Variants in CDH4 observed in about 807,000 individuals in gnomAD.
CDH4 encodes the protein cadherin-4.
Under a neutral mutation model 86.0 loss-of-function variants are expected in CDH4, and 33 were observed. The ratio of observed to expected loss-of-function variants is 0.38; its 90% CI spans 0.29 to 0.51. The LOEUF (loss-of-function observed/expected upper bound fraction) is 0.51, where lower values mean the gene tolerates loss of function less well. CDH4 is among the 20% of genes least tolerant of loss of function. The probability of loss-of-function intolerance (pLI) is 0.86; values close to 1 mark genes in which losing one functional copy is unlikely to be tolerated. For synonymous variants in CDH4, 555 were observed against 549.4 expected, an observed-to-expected ratio of 1.01 and a Z score of -0.14; for missense variants, 1,114 against 1,307.4, an observed-to-expected ratio of 0.85 and a Z score of 2.28.
chr20:61,834,254 G>T (rs1389697083), intron 4 of CDH4, among the ~76,000 whole-genome samples: 1 of 152,210 alleles, frequency 6.6e-6, no homozygotes, highest in Non-Finnish European at 1.5e-5. Context: ...GCCCTCCTTT[G>T]CTGCCCCTTG....
rs1260243773 is a variant in CDH4, at chr20:61,582,882, T to C, written c.170-160681T>C. Among the ~76,000 whole-genome samples the C allele has an allele frequency of 1.3e-5, 2 of 152,182 alleles. No individual in the cohort carries two copies. Among genetic ancestry groups the C allele is most frequent in the South Asian group, 2.1e-4 (1 of 4,830 alleles). ...GCCACCACCCCAGTCCATTTTAGAA[T>C]GTTTTCATCGCCTCACAAAGAAACT... On this transcript the variant is annotated intron_variant, in intron 2 of 15. Transcript: ENST00000614565. The surrounding 1 kb of genome is among the most constrained non-coding windows in gnomAD (Gnocchi z 4.2).
At chr20:61,404,598 T>C (rs1271660861) in intron 2 of CDH4, among the ~76,000 whole-genome samples, 2 of 152,072 alleles carry the variant, frequency 1.3e-5, no homozygotes, top group African/African-American at 4.8e-5. Context: ...GGGCAGGGGA[T>C]TTGGGAGAAA....
At chr20:61,345,263 G>A (rs974897764) in intron 2 of CDH4, among the ~76,000 whole-genome samples, 2 of 152,192 alleles carry the variant, frequency 1.3e-5, no homozygotes, top group East Asian at 1.9e-4. Flanking sequence ...CAGGGAAATC[G>A]AGAGTGACAA....
At chr20:61,752,658 G>A (rs1054002757) in intron 3 of CDH4, among the ~76,000 whole-genome samples, 2 of 152,342 alleles carry the variant, frequency 1.3e-5, no homozygotes, top group East Asian at 3.9e-4. Context: ...ATAAATTGCA[G>A]TGGGCTCCTA....
intron 8 of CDH4, among the ~76,000 whole-genome samples, chr20:61,899,968 T>C (rs1985309240): frequency 6.6e-6 from 1 of 152,188 alleles, no homozygotes; most frequent in Non-Finnish European, 1.5e-5. Context: ...GTGGTCCCCA[T>C]GTTTTTGAGG....
At chr20:61,319,277 T>C (rs959817518) in intron 2 of CDH4, among the ~76,000 whole-genome samples, 5 of 152,088 alleles carry the variant, frequency 3.3e-5, no homozygotes, top group African/African-American at 9.7e-5. Flanking sequence ...CTCAGGAAGG[T>C]GACGTGTGTA....
chr20:61,280,613 G>C (rs538446915), intron 2 of CDH4, among the ~76,000 whole-genome samples: 4 of 152,228 alleles, frequency 2.6e-5, no homozygotes, highest in Non-Finnish European at 5.9e-5. Flanking sequence ...ACAAGGCTGG[G>C]GTAGTGATAT....
At chr20:61,834,288 C>T (rs1421943986) in intron 4 of CDH4, among the ~76,000 whole-genome samples, 6 of 152,388 alleles carry the variant, frequency 3.9e-5, no homozygotes, top group South Asian at 4.1e-4. Flanking sequence ...AGCTGCCTCT[C>T]CTTCTGGGGC....
In CDH4 at chr20:61,565,260, G is replaced by GGGTGA. The variant is rs1312523506; in HGVS notation, c.170-178303_170-178302insGGTGA. Among the ~76,000 whole-genome samples the GGGTGA allele has an allele frequency of 3.4e-4, 35 of 101,722 alleles. 4 individuals carry two copies. Among genetic ancestry groups the GGGTGA allele is most frequent in the Admixed American group, 1.8e-3 (19 of 10,328 alleles). The allele number at this position is 101,722 out of a possible 152,430, so 66.7% of individuals were successfully genotyped here. On this transcript the variant is annotated intron_variant, in intron 2 of 15. Coordinates refer to ENST00000614565, the MANE Select transcript of CDH4 (RefSeq NM_001794.5). Reference sequence around the variant, plus strand: ...GGTGGTGGCGGTGCTCTTGGTGATGGTGGTGGTGGTCCTCTTGGTGATGGG... The same window carrying GGGTGA: ...GGTGGTGGCGGTGCTCTTGGTGATGGGGTGATGGTGGTGGTCCTCTTGGTGATGGG...
At chr20:61,579,127 A>G (rs2086406283) in intron 2 of CDH4, among the ~76,000 whole-genome samples, 1 of 151,996 alleles carries the variant, frequency 6.6e-6, no homozygotes, top group Non-Finnish European at 1.5e-5. Flanking sequence ...GGGCTTCCCA[A>G]AGGAAATCCA....
intron 2 of CDH4, among the ~76,000 whole-genome samples, chr20:61,509,717 A>G (rs529810102): frequency 1.8e-4 from 27 of 152,218 alleles, no homozygotes; most frequent in African/African-American, 6.0e-4. Context: ...GAAGGGGAAC[A>G]ACAGGCTGAA....
chr20:61,373,356 C>T (rs1288330977), intron 2 of CDH4, among the ~76,000 whole-genome samples: 9 of 152,210 alleles, frequency 5.9e-5, no homozygotes, highest in Admixed American at 2.6e-4. Flanking sequence ...GGCTTGCACC[C>T]GTTGAATGAA....
At chr20:61,529,767 G>GT (rs1253109633) in intron 2 of CDH4, among the ~76,000 whole-genome samples, 1 of 152,104 alleles carries the variant, frequency 6.6e-6, no homozygotes, top group Non-Finnish European at 1.5e-5. Context: ...AGAACTTCTC[G>GT]TTCTTGCTCA....
At position 61,661,084 on chromosome 20, in the gene CDH4, C is replaced by CGGGGGGT. The variant is rs1555821282; in HGVS notation, c.170-82473_170-82472insTGGGGGG. Among the ~76,000 whole-genome samples the CGGGGGGT allele has an allele frequency of 5.5e-4, 41 of 74,796 alleles. 5 individuals carry two copies. Among genetic ancestry groups the CGGGGGGT allele is most frequent in the Non-Finnish European group, 1.1e-3 (36 of 31,318 alleles). The allele number at this position is 74,796 out of a possible 152,430, so 49.1% of individuals were successfully genotyped here. On this transcript the variant is annotated intron_variant, in intron 2 of 15. Transcript: ENST00000614565. The stretch of plus-strand genomic sequence containing the variant: ...GAGGCGGCATGGACAGGAGGCATGG[C>CGGGGGGT]GGGGGGGGGGGAGACACAGTGCCAG...
At chr20:61,258,340 A>AAAAAAAAAAAAG (rs1353887398) in intron 2 of CDH4, among the ~76,000 whole-genome samples, 3 of 121,770 alleles carry the variant, frequency 2.5e-5, no homozygotes, top group African/African-American at 9.3e-5. Context: ...AAAAAAAAAA[A>AAAAAAAAAAAAG]AAAAAGAAAA....
At position 61,774,188 on chromosome 20, in the gene CDH4, A is replaced by G. The variant is rs544657691; in HGVS notation, c.576+1006A>G. Among the ~76,000 whole-genome samples, 129 of 152,310 alleles carry G rather than the reference A, an allele frequency of 8.5e-4. 6 individuals carry two copies. The South Asian group carries it at 0.026, about 31-fold the overall frequency. Reference sequence around the variant, plus strand: ...CACCTCAGCACCCAGCCTCTGCTGCATTCTTCCCTGTCAGGGGCTCAGCTT... The same window carrying G: ...CACCTCAGCACCCAGCCTCTGCTGCGTTCTTCCCTGTCAGGGGCTCAGCTT... On this transcript the variant is annotated intron_variant, in intron 4 of 15. Transcript: ENST00000614565.
Position 61,857,524 on chromosome 20 carries a change from G to A in CDH4, c.877+4626G>A, listed in dbSNP as rs1983072440. Among the ~76,000 whole-genome samples, 4 of 152,352 alleles carry A rather than the reference G, an allele frequency of 2.6e-5. No homozygotes were observed. The South Asian group carries it at 8.3e-4, about 32-fold the overall frequency. On this transcript the variant is annotated intron_variant, in intron 6 of 15. Coordinates refer to ENST00000614565, the MANE Select transcript of CDH4 (RefSeq NM_001794.5). ...GGATTTTTGCCCAGTTTCCAGCGAGGCCTGAGGCCCACGGAGGTGACTAGG... is the reference window on the plus strand; with the variant it reads ...GGATTTTTGCCCAGTTTCCAGCGAGACCTGAGGCCCACGGAGGTGACTAGG...
intron 2 of CDH4, among the ~76,000 whole-genome samples, chr20:61,723,223 G>C (rs1162745482): frequency 6.6e-6 from 1 of 152,224 alleles, no homozygotes; most frequent in East Asian, 1.9e-4. Flanking sequence ...TCAGCCTGGA[G>C]GGAAGTGGAC....
At chr20:61,873,927 G>C (rs1983912425) in intron 7 of CDH4, 27 bp downstream of exon 7, 1 of 1,608,880 alleles carries the variant, frequency 6.2e-7, no homozygotes, top group African/African-American at 1.3e-5. Flanking sequence ...TCTGCGTGCA[G>C]GCGGGTGAGC....
Sources: gnomAD v4.1 joint callset for allele counts (sites outside exome capture counted in the v4.1 genomes callset) on GRCh38, gnomAD v4.1.1 for gene constraint, Gnocchi (gnomAD v3.1) non-coding constraint, MANE v1.5 for transcripts, NCBI Gene and HGNC (gene_info 2026-07-23, HGNC 2026-07-21) for gene names.